The following GNAQ variants were observed in gnomAD, a reference collection of about 807,000 sequenced individuals.
GNAQ encodes the protein guanine nucleotide-binding protein G(q) subunit alpha.
GNAQ carries 8 observed loss-of-function variants against 43.9 expected under a neutral mutation model. The ratio of observed to expected loss-of-function variants is 0.18; its 90% CI spans 0.11 to 0.33. The LOEUF (loss-of-function observed/expected upper bound fraction) is 0.33, where lower values mean the gene tolerates loss of function less well. Among genes scored for constraint, GNAQ ranks in the 10% least tolerant of loss-of-function variants. The pLI, the probability that GNAQ is intolerant of heterozygous loss-of-function variation, is 1.00. For missense variants in GNAQ, 158 were observed against 450.8 expected, an observed-to-expected ratio of 0.35 and a Z score of 5.88; for synonymous variants, 155 against 170.7, an observed-to-expected ratio of 0.91 and a Z score of 0.71.
intron 2 of GNAQ, among the ~76,000 whole-genome samples, chr9:77,854,501 A>C (rs1435114122): frequency 6.6e-6 from 1 of 152,200 alleles, no homozygotes; most frequent in Non-Finnish European, 1.5e-5. Context: ...CTGCTCATTA[A>C]TTGCTTCAGG....
At chr9:77,770,025 G>A (rs1397465522) in intron 5 of GNAQ, among the ~76,000 whole-genome samples, 5 of 152,106 alleles carry the variant, frequency 3.3e-5, no homozygotes, top group African/African-American at 4.8e-5. Context: ...ACAAGTAGCA[G>A]CTTTTCCTCA....
chr9:77,777,126 A>G (rs1277391714), intron 5 of GNAQ, among the ~76,000 whole-genome samples: 1 of 152,142 alleles, frequency 6.6e-6, no homozygotes, highest in East Asian at 1.9e-4. Context: ...AGACAATCCA[A>G]TGTGGAAAGA....
intron 2 of GNAQ, among the ~76,000 whole-genome samples, chr9:77,885,258 GCT>G (rs1283607838): frequency 2.0e-5 from 3 of 152,110 alleles, no homozygotes; most frequent in Non-Finnish European, 4.4e-5. Context: ...CTCTACTCAA[GCT>G]CAGGAAGTCA....
At chr9:77,956,447 G>A (rs1823041426) in intron 1 of GNAQ, among the ~76,000 whole-genome samples, 1 of 152,150 alleles carries the variant, frequency 6.6e-6, no homozygotes, top group Non-Finnish European at 1.5e-5. Flanking sequence ...CTAGGAAAAT[G>A]GCTTCCAAAT....
chr9:77,865,783 G>T (rs895932772), intron 2 of GNAQ, among the ~76,000 whole-genome samples: 4 of 152,214 alleles, frequency 2.6e-5, no homozygotes, highest in African/African-American at 7.2e-5. Flanking sequence ...CTCTCGTGTT[G>T]TATGAGTCTA....
intron 5 of GNAQ, among the ~76,000 whole-genome samples, chr9:77,793,934 A>G (rs1013959188): frequency 6.6e-6 from 1 of 152,158 alleles, no homozygotes; most frequent in Non-Finnish European, 1.5e-5. Context: ...AAAATTATGC[A>G]ACAGCCTAGA....
chr9:77,986,700 TCTCA>T (rs1319460231), intron 1 of GNAQ, among the ~76,000 whole-genome samples: 1 of 151,866 alleles, frequency 6.6e-6, no homozygotes. Flanking sequence ...GAGATGAGGG[TCTCA>T]CTATGTTGCC....
intron 2 of GNAQ, among the ~76,000 whole-genome samples, chr9:77,831,663 C>T (rs1827299584): frequency 1.3e-5 from 2 of 152,162 alleles, no homozygotes; most frequent in Non-Finnish European, 2.9e-5. Context: ...GCTAGAATCA[C>T]TAAACATCTT....
intron 2 of GNAQ, among the ~76,000 whole-genome samples, chr9:77,826,085 C>A (rs1048230505): frequency 1.3e-5 from 2 of 152,202 alleles, no homozygotes; most frequent in Non-Finnish European, 1.5e-5. Flanking sequence ...TCCAAGAGGA[C>A]AACAGGCTGT....
intron 2 of GNAQ, among the ~76,000 whole-genome samples, chr9:77,854,693 T>C (rs1043599075): frequency 6.6e-6 from 1 of 152,210 alleles, no homozygotes; most frequent in Non-Finnish European, 1.5e-5. Context: ...CTCCATATAC[T>C]ATAACCAGCA....
intron 1 of GNAQ, among the ~76,000 whole-genome samples, chr9:78,022,215 C>G (rs1226730107): frequency 6.6e-6 from 1 of 152,168 alleles, no homozygotes; most frequent in Admixed American, 6.5e-5. Context: ...CTGCTGGAGA[C>G]AGCAGCAAGC....
At chr9:77,846,140 C>T (rs755555574) in intron 2 of GNAQ, among the ~76,000 whole-genome samples, 6 of 152,116 alleles carry the variant, frequency 3.9e-5, no homozygotes, top group Admixed American at 6.5e-5. Context: ...TGTTGATTTG[C>T]GTAATATAAT....
intron 1 of GNAQ, among the ~76,000 whole-genome samples, chr9:78,027,969 G>A (rs891839326): frequency 1.3e-5 from 2 of 151,994 alleles, no homozygotes; most frequent in African/African-American, 4.8e-5. Flanking sequence ...CATGAAGCAG[G>A]CACTCAAGGC....
At chr9:77,947,990 GTTC>G (rs1466234058) in intron 1 of GNAQ, among the ~76,000 whole-genome samples, 1 of 152,164 alleles carries the variant, frequency 6.6e-6, no homozygotes, top group Non-Finnish European at 1.5e-5. Context: ...TCATAGGGTG[GTTC>G]TTGAGGATTA....
intron 2 of GNAQ, among the ~76,000 whole-genome samples, chr9:77,907,470 G>A (rs541361478): frequency 6.6e-6 from 1 of 152,316 alleles, no homozygotes; most frequent in African/African-American, 2.4e-5. Flanking sequence ...AAATAATTTT[G>A]TTAAGTATCT....
At chr9:77,761,927 G>A (rs1275589226) in intron 5 of GNAQ, among the ~76,000 whole-genome samples, 4 of 115,496 alleles carry the variant, frequency 3.5e-5, no homozygotes, top group Admixed American at 8.4e-5. Context: ...CCGGCCAGCC[G>A]CCCCGTCCGG....
chr9:77,928,114 A>C (rs1829095967), intron 1 of GNAQ, among the ~76,000 whole-genome samples: 1 of 152,214 alleles, frequency 6.6e-6, no homozygotes, highest in African/African-American at 2.4e-5. Context: ...ATTCAATAAC[A>C]CTGAGTCAAA....
intron 1 of GNAQ, among the ~76,000 whole-genome samples, chr9:77,959,974 C>T (rs1823087812): frequency 6.6e-6 from 1 of 152,118 alleles, no homozygotes. Context: ...TCACCTCTAT[C>T]CTCTGAAAGA....
chr9:77,767,170 T>C (rs1205606400), intron 5 of GNAQ, among the ~76,000 whole-genome samples: 1 of 152,104 alleles, frequency 6.6e-6, no homozygotes, highest in Non-Finnish European at 1.5e-5. Context: ...GGGAGAAAGG[T>C]ATGGCGGCCC....
Sources: allele counts gnomAD v4.1 joint callset (sites outside exome capture counted in the v4.1 genomes callset), GRCh38; gene constraint gnomAD v4.1.1; transcripts MANE v1.5; gene names NCBI Gene and HGNC (gene_info 2026-07-23, HGNC 2026-07-21).